The following ZFPM1 variants were observed in gnomAD, a reference collection of about 807,000 sequenced individuals.
ZFPM1 encodes zinc finger protein ZFPM1.
In ZFPM1, 28 loss-of-function variants were observed where a neutral mutation model predicts 46.3. The observed-to-expected ratio is 0.60, with a 90% confidence interval of 0.45 to 0.83. ZFPM1 has a LOEUF of 0.83. Ranked by LOEUF, ZFPM1 falls within the 40% of genes least tolerant of loss-of-function variation. ZFPM1 has a pLI of 0.00. For synonymous variants in ZFPM1, 957 were observed against 675.9 expected (o/e 1.42, Z -6.45); for missense variants, 1,878 against 1,432.4 (o/e 1.31, Z -5.02).
At chr16:88,462,873 G>A (rs1160184802) in intron 1 of ZFPM1, among the ~76,000 whole-genome samples, 1 of 142,324 alleles carries the variant, frequency 7.0e-6, no homozygotes, top group East Asian at 1.9e-4. Context: ...ACCTCACGGG[G>A]CTGTGAGGAG....
chr16:88,453,748 C>T (rs1907399928), intron 1 of ZFPM1, 70 bp downstream of exon 1: 3 of 972,456 alleles, frequency 3.1e-6, no homozygotes, highest in Non-Finnish European at 3.8e-6. Flanking sequence ...GCCAGCGCCG[C>T]CCCCGCCCGT....
rs1452771675 is a variant in ZFPM1, at chr16:88,536,794, C to T, written c.*1815C>T. On this transcript the variant is annotated 3_prime_UTR_variant, in exon 10 of 10. Coordinates refer to ENST00000319555, the MANE Select transcript of ZFPM1 (RefSeq NM_153813.3). ...CAAGCAGCCTTTTCCTCACAGACAC[C>T]CCTTCTGTTGAAGACCAGGTGATAG... The T allele has an allele frequency of 1.3e-5, 2 of 152,154 alleles. No homozygotes were observed. Among genetic ancestry groups the T allele is most frequent in the Non-Finnish European group, 2.9e-5 (2 of 68,058 alleles). The allele number at this position is 152,154 out of a possible 1,614,324, so 9.4% of individuals were successfully genotyped here. A position where few individuals can be genotyped will look rare whatever the true frequency, so the allele number is the denominator to read the frequency against.
In ZFPM1 at chr16:88,533,881, C is replaced by A; in HGVS notation, c.1923C>A (p.Pro641=). 2 of 1,002,026 alleles carry A rather than the reference C, an allele frequency of 2.0e-6. No individual in the cohort carries two copies. Among genetic ancestry groups the A allele is most frequent in the Non-Finnish European group, 2.4e-6 (2 of 842,950 alleles). 62.1% of individuals were successfully genotyped at this position (1,002,026 alleles called of 1,614,324 possible). Residue 641 remains proline, a synonymous_variant, in exon 10 of 10, where the codon CCC becomes CCA. Coordinates refer to ENST00000319555, the MANE Select transcript of ZFPM1 (RefSeq NM_153813.3). ...EPDAPRSSPG[P]GAREEGAGGA... is the part of the protein sequence containing the mutation. ...ACGCGCCGCGCTCGTCCCCGGGCCC[C>A]GGAGCGCGCGAGGAGGGGGCTGGGG...
Position 88,533,569 on chromosome 16 carries a change from C to T in ZFPM1, c.1611C>T (p.Pro537=). 2.0e-6 allele frequency: 3 copies of T among 1,495,746 alleles called. No individual in the cohort carries two copies. The highest frequency in any genetic ancestry group is 4.4e-4 in the Middle Eastern group (2 of 4,582). The allele number at this position is 1,495,746 out of a possible 1,614,324, so 92.7% of individuals were successfully genotyped here. A position where few individuals can be genotyped will look rare whatever the true frequency, so the allele number is the denominator to read the frequency against. The change falls in exon 10 of 10, where the codon CCC becomes CCT. Residue 537 remains proline, a synonymous_variant. Transcript: ENST00000319555. Reference sequence around the variant, plus strand: ...ACGTGTTCGGGCCCGACGCGGCGCCCCCCGCCTCGGAGATCCTGGCCAAGA... The same window carrying T: ...ACGTGTTCGGGCCCGACGCGGCGCCTCCCGCCTCGGAGATCCTGGCCAAGA... ...PQYVFGPDAA[P]PASEILAKMS...
chr16:88,534,960 C>A lies in ZFPM1; in HGVS notation c.3002C>A (p.Ala1001Asp). The stretch of plus-strand genomic sequence containing the variant: ...AAGAAGTATTACTGCTCCTCGCACG[C>A]CGCCGAGCACGTGAAGTGAGCGCCC... The part of the protein sequence containing the change: ...AHKKYYCSSH[A>D]AEHVK Residue 1001 changes from alanine (A) to aspartate (D), a missense_variant, in exon 10 of 10, where the codon GCC (alanine) becomes GAC (aspartate). By Grantham distance (126) the Ala-to-Asp change is moderately radical. Transcript: ENST00000319555. 6.8e-7 allele frequency: 1 copy of A among 1,479,842 alleles called. No individual in the cohort carries two copies. Among genetic ancestry groups the A allele is most frequent in the African/African-American group, 1.4e-5 (1 of 69,664 alleles). 91.7% of individuals were successfully genotyped at this position (1,479,842 alleles called of 1,614,324 possible). A position where few individuals can be genotyped will look rare whatever the true frequency, so the allele number is the denominator to read the frequency against.
intron 3 of ZFPM1, among the ~76,000 whole-genome samples, chr16:88,498,994 G>A (rs1425151549): frequency 6.6e-6 from 1 of 152,198 alleles, no homozygotes; most frequent in Non-Finnish European, 1.5e-5. Context: ...GCCTCTCCAC[G>A]CAAGGCCCTG....
At chr16:88,488,375 G>A (rs1909358067) in intron 2 of ZFPM1, among the ~76,000 whole-genome samples, 1 of 152,246 alleles carries the variant, frequency 6.6e-6, no homozygotes, top group Admixed American at 6.5e-5. Flanking sequence ...CGTGGCGATG[G>A]GCGCGATAAC....
At chr16:88,453,813 TG>T in intron 1 of ZFPM1, 135 bp downstream of exon 1, 1 of 473,050 alleles carries the variant, frequency 2.1e-6, no homozygotes, top group Non-Finnish European at 2.8e-6. Context: ...CCCCCCGCGC[TG>T]TGCCAAGCGC....
At chr16:88,505,814 G>T (rs916020538) in intron 3 of ZFPM1, among the ~76,000 whole-genome samples, 2 of 152,158 alleles carry the variant, frequency 1.3e-5, no homozygotes, top group Non-Finnish European at 2.9e-5. Context: ...TGGGCACATA[G>T]GGCACGAGGC....
intron 4 of ZFPM1, among the ~76,000 whole-genome samples, chr16:88,526,175 C>A (rs530493383): frequency 6.6e-6 from 1 of 152,230 alleles, no homozygotes; most frequent in Non-Finnish European, 1.5e-5. Context: ...CCCCAGCGTC[C>A]GCCGTGTGCC....
intron 3 of ZFPM1, among the ~76,000 whole-genome samples, chr16:88,500,164 G>A (rs1455962748): frequency 8.0e-5 from 9 of 111,934 alleles, no homozygotes; most frequent in African/African-American, 2.0e-4. Context: ...AGGCCCCGCC[G>A]TTGCCCTACC....
chr16:88,533,625 A>AGGGCGC lies in ZFPM1; in HGVS notation c.1680_1685dup (p.Ala562_Gly563dup), dbSNP rs535185501. The AGGGCGC allele has an allele frequency of 3.7e-3, 5,464 of 1,467,282 alleles. 17 individuals are homozygous for AGGGCGC. The highest frequency in any genetic ancestry group is 0.01 in the South Asian group (804 of 77,466). 90.9% of individuals were successfully genotyped at this position (1,467,282 alleles called of 1,614,324 possible). A position where few individuals can be genotyped will look rare whatever the true frequency, so the allele number is the denominator to read the frequency against. On this transcript the variant is annotated inframe_insertion, in exon 10 of 10. Coordinates refer to ENST00000319555, the MANE Select transcript of ZFPM1 (RefSeq NM_153813.3). The stretch of plus-strand genomic sequence containing the variant: ...GAGCTGGTGCACAGCCGGCTGCAGC[A>AGGGCGC]GGGCGCGGGCGCGGGCGCCGGCGGC...
intron 3 of ZFPM1, among the ~76,000 whole-genome samples, chr16:88,500,316 G>A (rs1295320909): frequency 2.6e-5 from 4 of 152,236 alleles, no homozygotes; most frequent in African/African-American, 9.6e-5. Context: ...CTCCCCCCAT[G>A]AGCTGGTGGC....
chr16:88,451,864 A>AG (rs1391615921), upstream of ZFPM1, among the ~76,000 whole-genome samples: 4 of 151,788 alleles, frequency 2.6e-5, no homozygotes, highest in East Asian at 7.8e-4. Flanking sequence ...GGCAGTGGGG[A>AG]GGGACGGCGC....
chr16:88,486,660 G>A, intron 2 of ZFPM1, among the ~76,000 whole-genome samples: 1 of 150,174 alleles, frequency 6.7e-6, no homozygotes, highest in Non-Finnish European at 1.5e-5. Flanking sequence ...ATCGGTCCTG[G>A]GTGCACAGTG....
intron 1 of ZFPM1, among the ~76,000 whole-genome samples, chr16:88,470,166 A>G (rs1908349324): frequency 1.3e-5 from 2 of 152,168 alleles, no homozygotes; most frequent in Non-Finnish European, 2.9e-5. Flanking sequence ...GTGTAGGAGC[A>G]TCGCCTGTGG....
At chr16:88,499,415 G>A (rs1339042008) in intron 3 of ZFPM1, among the ~76,000 whole-genome samples, 6 of 152,226 alleles carry the variant, frequency 3.9e-5, no homozygotes, top group Admixed American at 3.3e-4. Context: ...TGGGGGCCGC[G>A]CAGCGGGTGG....
At chr16:88,530,213 A>C (rs991762155) in intron 6 of ZFPM1, among the ~76,000 whole-genome samples, 1 of 152,166 alleles carries the variant, frequency 6.6e-6, no homozygotes, top group Non-Finnish European at 1.5e-5. Context: ...CCAGTAAGAC[A>C]GTGGGGACAG....
chr16:88,517,596 T>G (rs1911426435), intron 4 of ZFPM1, among the ~76,000 whole-genome samples: 1 of 145,620 alleles, frequency 6.9e-6, no homozygotes. Flanking sequence ...GATAAATGAG[T>G]GGGTGAATGG....
Sources: allele counts gnomAD v4.1 joint callset (sites outside exome capture counted in the v4.1 genomes callset), GRCh38; gene constraint gnomAD v4.1.1; transcripts MANE v1.5; gene names NCBI Gene and HGNC (gene_info 2026-07-23, HGNC 2026-07-21).